APBB2: variants seen among roughly 807,000 people sequenced by gnomAD.
The protein encoded by APBB2 is Fe65-like 1.
In APBB2, 38 loss-of-function variants were observed where a neutral mutation model predicts 82.5. That is an observed-to-expected ratio of 0.46 (90% CI 0.36 to 0.60). APBB2 has a LOEUF of 0.60. Among genes scored for constraint, APBB2 ranks in the 20% least tolerant of loss-of-function variants. The pLI is 0.00. For missense variants in APBB2, 772 were observed against 972.3 expected (o/e 0.79, Z 2.74); for synonymous variants, 341 against 368.2 (o/e 0.93, Z 0.85).
At chr4:41,043,220 CTA>C (rs763124409) in intron 4 of APBB2, among the ~76,000 whole-genome samples, 20 of 152,152 alleles carry the variant, frequency 1.3e-4, no homozygotes, top group Admixed American at 9.2e-4. Flanking sequence ...AGTATTATTT[CTA>C]TTAGAAAAAA....
At chr4:40,915,139 C>T (rs1019826946) in intron 10 of APBB2, among the ~76,000 whole-genome samples, 23 of 152,206 alleles carry the variant, frequency 1.5e-4, no homozygotes, top group Non-Finnish European at 3.4e-4. Flanking sequence ...GCACAGTGGC[C>T]TCCAGGCCAA....
intron 5 of APBB2, among the ~76,000 whole-genome samples, chr4:41,020,242 T>A (rs1393994042): frequency 6.6e-6 from 1 of 152,186 alleles, no homozygotes; most frequent in Non-Finnish European, 1.5e-5. Flanking sequence ...CCCATAGCCT[T>A]CCTATCAAAA....
chr4:41,178,334 A>C (rs1405592402), intron 1 of APBB2, among the ~76,000 whole-genome samples: 1 of 152,188 alleles, frequency 6.6e-6, no homozygotes, highest in African/African-American at 2.4e-5. Context: ...AGTCACTCCT[A>C]CTAAGGATCT....
intron 7 of APBB2, among the ~76,000 whole-genome samples, chr4:40,937,621 G>C (rs1276622767): frequency 6.6e-6 from 1 of 152,148 alleles, no homozygotes; most frequent in Non-Finnish European, 1.5e-5. Context: ...ACTCAGTAAG[G>C]AAATGGAAAC....
intron 12 of APBB2, among the ~76,000 whole-genome samples, chr4:40,874,533 A>G (rs1766363425): frequency 6.6e-6 from 1 of 152,186 alleles, no homozygotes; most frequent in Admixed American, 6.5e-5. Flanking sequence ...GGTGGAGATA[A>G]GTAAATGAAA....
chr4:41,059,140 G>A (rs950928196), intron 4 of APBB2, among the ~76,000 whole-genome samples: 3 of 151,928 alleles, frequency 2.0e-5, no homozygotes, highest in African/African-American at 7.3e-5. Context: ...GAACACCCAT[G>A]AAGCATCAGG....
intron 1 of APBB2, among the ~76,000 whole-genome samples, chr4:41,206,633 C>T (rs1352050902): frequency 6.6e-6 from 1 of 152,116 alleles, no homozygotes; most frequent in Non-Finnish European, 1.5e-5. Flanking sequence ...CCAAATCATG[C>T]CTCTGCTGTG....
At chr4:40,857,965 C>T (rs1211003782) in intron 12 of APBB2, among the ~76,000 whole-genome samples, 2 of 152,146 alleles carry the variant, frequency 1.3e-5, no homozygotes, top group Non-Finnish European at 2.9e-5. Context: ...AAAGTGTTTA[C>T]AGATCATCTG....
At position 40,854,620 on chromosome 4, in the gene APBB2, C is replaced by G. The variant is rs150903256; in HGVS notation, c.1530-24043G>C. Among the ~76,000 whole-genome samples, 906 of 152,090 alleles carry G rather than the reference C, an allele frequency of 6.0e-3. 18 individuals carry two copies. In the East Asian group the frequency reaches 0.09, roughly 15 times the overall value. ...TGGCCAACATGGCGAAACCCTGTCTCTACTAAAAATACAAAAAAATTAGCC... is the reference window on the plus strand; with the variant it reads ...TGGCCAACATGGCGAAACCCTGTCTGTACTAAAAATACAAAAAAATTAGCC... On this transcript the variant is annotated intron_variant, in intron 12 of 17. Coordinates refer to ENST00000508593, the MANE Select transcript of APBB2 (RefSeq NM_004307.2).
At position 41,085,112 on chromosome 4, in the gene APBB2, G is replaced by T. The variant is rs149013281; in HGVS notation, c.-149+15527C>A. 8.4e-3 allele frequency among the ~76,000 whole-genome samples: 1,278 copies of T among 152,118 alleles called. 16 individuals are homozygous for T. The highest frequency in any genetic ancestry group is 0.028 in the African/African-American group (1,151 of 41,492). On this transcript the variant is annotated intron_variant, in intron 3 of 17. Coordinates refer to ENST00000508593, the MANE Select transcript of APBB2 (RefSeq NM_004307.2). The stretch of plus-strand genomic sequence containing the variant: ...AAAAATACAAAAAAATTAGCTGGGC[G>T]TGGTGATGCGCGCCTGTAGTCCCAG...
At chr4:41,101,183 G>A (rs953188165) in intron 2 of APBB2, among the ~76,000 whole-genome samples, 15 of 152,128 alleles carry the variant, frequency 9.9e-5, no homozygotes, top group African/African-American at 2.9e-4. Flanking sequence ...GAAGTGAATC[G>A]GCCGGGCGCG....
intron 12 of APBB2, among the ~76,000 whole-genome samples, chr4:40,869,278 T>C (rs2154339486): frequency 6.6e-6 from 1 of 152,258 alleles, no homozygotes; most frequent in South Asian, 2.1e-4. Flanking sequence ...TGGCAAATAA[T>C]CCTAGCCCTA....
chr4:41,099,997 T>G (rs1744816052), intron 3 of APBB2, among the ~76,000 whole-genome samples: 2 of 152,030 alleles, frequency 1.3e-5, no homozygotes, highest in Non-Finnish European at 1.5e-5. Flanking sequence ...TTCAAAAAGA[T>G]AAGAGAATAA....
intron 4 of APBB2, among the ~76,000 whole-genome samples, chr4:41,049,007 T>C (rs566486911): frequency 2.0e-5 from 3 of 152,186 alleles, no homozygotes; most frequent in African/African-American, 7.2e-5. Flanking sequence ...TGATCTCGGC[T>C]AGCTACAACA....
intron 12 of APBB2, chr4:40,842,276 T>C: frequency 4.9e-6 from 2 of 410,764 alleles, no homozygotes; most frequent in Admixed American, 2.7e-5. Flanking sequence ...AGGATGGTTG[T>C]GAGGATGGCA....
intron 7 of APBB2, among the ~76,000 whole-genome samples, chr4:40,938,580 G>A (rs142677573): frequency 1.5e-3 from 234 of 152,332 alleles, no homozygotes; most frequent in Non-Finnish European, 2.6e-3. Context: ...AATATCAACA[G>A]AGTGCTCTTA....
chr4:41,123,728 C>T (rs993358061), intron 2 of APBB2, among the ~76,000 whole-genome samples: 6 of 151,970 alleles, frequency 3.9e-5, no homozygotes, highest in Non-Finnish European at 8.8e-5. Context: ...GAGGCTGAGG[C>T]AGGAGAATTG....
At chr4:40,988,767 C>CT (rs557265622) in intron 6 of APBB2, among the ~76,000 whole-genome samples, 3,957 of 139,462 alleles carry the variant, frequency 0.028, 117 homozygotes, top group African/African-American at 0.069. Flanking sequence ...AATCCAAAGT[C>CT]TTTTTTTTTT....
chr4:40,933,538 G>C (rs1183169100), intron 10 of APBB2, among the ~76,000 whole-genome samples: 10 of 152,118 alleles, frequency 6.6e-5, no homozygotes, highest in African/African-American at 2.2e-4. Context: ...GCCCAGACTG[G>C]GCTGGTCACC....
Sources: allele counts gnomAD v4.1 joint callset (sites outside exome capture counted in the v4.1 genomes callset), GRCh38; gene constraint gnomAD v4.1.1; transcripts MANE v1.5; gene names NCBI Gene and HGNC (gene_info 2026-07-23, HGNC 2026-07-21).